FREM3: variants seen among roughly 807,000 people sequenced by gnomAD.
FREM3 encodes the protein FRAS1 related extracellular matrix 3, also known as FRAS1-related extracellular matrix protein 3.
In FREM3, 105 loss-of-function variants were observed where a neutral mutation model predicts 129.1. The ratio of observed to expected loss-of-function variants is 0.81; its 90% CI spans 0.69 to 0.96. The LOEUF (loss-of-function observed/expected upper bound fraction) is 0.96, where lower values mean the gene tolerates loss of function less well. FREM3 is among the 40% of genes least tolerant of loss of function. FREM3 has a pLI of 0.00. For missense variants in FREM3, 2,593 were observed against 2,666.3 expected (o/e 0.97, Z 0.61); for synonymous variants, 1,014 against 1,044.9 (o/e 0.97, Z 0.57).
chr4:143,598,260 C>A (rs73852624), intron 6 of FREM3, among the ~76,000 whole-genome samples: 2,901 of 152,270 alleles, frequency 0.019, 90 homozygotes, highest in African/African-American at 0.065. Flanking sequence ...TGGGCAGGCC[C>A]CAGTAAAAAT....
chr4:143,649,408 AG>A (rs1429288944), intron 2 of FREM3: 2 of 152,206 alleles, frequency 1.3e-5, no homozygotes, highest in Non-Finnish European at 2.9e-5. Flanking sequence ...ATCCCATTAC[AG>A]ACTGCATAGA....
chr4:143,686,634 A>G (rs1214360315), intron 2 of FREM3, among the ~76,000 whole-genome samples: 1 of 152,216 alleles, frequency 6.6e-6, no homozygotes, highest in Non-Finnish European at 1.5e-5. Flanking sequence ...ACTCTTTCAG[A>G]CCATAGTAGA....
At chr4:143,583,368 C>T (rs574599133) in intron 7 of FREM3, among the ~76,000 whole-genome samples, 56 of 152,270 alleles carry the variant, frequency 3.7e-4, no homozygotes, top group African/African-American at 1.3e-3. Context: ...AGAAACCAAA[C>T]AACTTGGAAA....
At chr4:143,674,120 C>A (rs1047630419) in intron 2 of FREM3, among the ~76,000 whole-genome samples, 2 of 152,156 alleles carry the variant, frequency 1.3e-5, no homozygotes, top group African/African-American at 4.8e-5. Flanking sequence ...GTCCAACAAG[C>A]CCCAGTGAGA....
At chr4:143,646,159 T>C (rs933385238) in intron 2 of FREM3, among the ~76,000 whole-genome samples, 4 of 152,182 alleles carry the variant, frequency 2.6e-5, no homozygotes, top group Admixed American at 6.5e-5. Context: ...CCTCTGTTTA[T>C]AAAAGTTGCC....
chr4:143,627,222 A>G lies in FREM3; in HGVS notation c.5422+392T>C, dbSNP rs546106924. Among the ~76,000 whole-genome samples, 14 of 152,350 alleles carry G rather than the reference A, an allele frequency of 9.2e-5. No individual in the cohort carries two copies. The South Asian group carries it at 2.9e-3, about 32-fold the overall frequency. On this transcript the variant is annotated intron_variant, in intron 3 of 7. Transcript: ENST00000329798. Reference sequence around the variant, plus strand: ...AAAAGAAATATATAGAACTAAACACAGTAATGGATCATGTACTCATAAATA... The same window carrying G: ...AAAAGAAATATATAGAACTAAACACGGTAATGGATCATGTACTCATAAATA...
Position 143,621,164 on chromosome 4 carries a change from T to C in FREM3, c.5654-2A>G, listed in dbSNP as rs1738942847. ...CCTCTGGAATATAAACTGTTGATTC[T>C]AGAAAAGATGGCAGAAGACTTTTCA... On this transcript the variant is annotated splice_acceptor_variant, in intron 4 of 7. Transcript: ENST00000329798. LOFTEE classifies it high-confidence loss of function. The C allele has an allele frequency of 6.5e-7, 1 of 1,536,984 alleles. No homozygotes were observed.
In FREM3 at chr4:143,700,613, G is replaced by T; in HGVS notation, c.63C>A (p.Cys21Ter). Reference protein sequence around the residue: ...TPRQLLVALACLLLSRPALQG... With the variant: ...TPRQLLVALA ...GCAGCGCGGGGCGACTCAAGAGCAG[G>T]CAGGCGAGCGCCACAAGGAGCTGCC... The change falls in exon 1 of 8, where the codon TGC (cysteine) becomes TGA (stop). Residue 21 changes from cysteine (C) to a stop codon, truncating the protein, a stop_gained. Transcript: ENST00000329798. LOFTEE classifies it high-confidence loss of function. 2 of 1,454,546 alleles carry T rather than the reference G, an allele frequency of 1.4e-6. No individual in the cohort carries two copies. Among genetic ancestry groups the T allele is most frequent in the South Asian group, 2.8e-5 (2 of 71,540 alleles). 90.1% of individuals were successfully genotyped at this position (1,454,546 alleles called of 1,614,324 possible).
At chr4:143,659,618 A>G (rs1739667511) in intron 2 of FREM3, among the ~76,000 whole-genome samples, 1 of 137,450 alleles carries the variant, frequency 7.3e-6, no homozygotes, top group South Asian at 2.3e-4. Context: ...GGCTGGGTCA[A>G]ATGGTATTTC....
chr4:143,668,938 A>T (rs1739915848), intron 2 of FREM3, among the ~76,000 whole-genome samples: 1 of 152,188 alleles, frequency 6.6e-6, no homozygotes, highest in Admixed American at 6.5e-5. Flanking sequence ...CTCAATTAGA[A>T]AGCAATCTGT....
chr4:143,697,321 C>T lies in FREM3; in HGVS notation c.3355G>A (p.Glu1119Lys), dbSNP rs1467561521. Residue 1119 changes from glutamate to lysine, a missense_variant, in exon 1 of 8, where the codon GAA becomes AAA. Transcript: ENST00000329798. ...VTSQPASGYL[E>K]KIASAPGSKM... ...GAACCAGGAGCTGATGCAATCTTTT[C>T]CAGGTAGCCAGAGGCTGGCTGACTA... 7 of 1,537,138 alleles carry T rather than the reference C, an allele frequency of 4.6e-6. No homozygotes were observed. The highest frequency in any genetic ancestry group is 4.4e-6 in the Non-Finnish European group (5 of 1,146,820).
At chr4:143,639,248 T>C (rs1195225359) in intron 2 of FREM3, among the ~76,000 whole-genome samples, 1 of 152,164 alleles carries the variant, frequency 6.6e-6, no homozygotes, top group Non-Finnish European at 1.5e-5. Context: ...GAGGAAATTG[T>C]TATTTTCTTC....
intron 2 of FREM3, among the ~76,000 whole-genome samples, chr4:143,664,782 C>T (rs1209884796): frequency 6.6e-6 from 1 of 152,192 alleles, no homozygotes; most frequent in Non-Finnish European, 1.5e-5. Context: ...CTAAGCAAGC[C>T]TTGGCAATGG....
At chr4:143,639,907 C>G (rs1332877829) in intron 2 of FREM3, among the ~76,000 whole-genome samples, 1 of 151,932 alleles carries the variant, frequency 6.6e-6, no homozygotes, top group African/African-American at 2.4e-5. Flanking sequence ...GGTCACAGTG[C>G]TAGTAAAAAA....
intron 2 of FREM3, among the ~76,000 whole-genome samples, chr4:143,662,507 A>G (rs2149852796): frequency 1.4e-5 from 2 of 144,676 alleles, no homozygotes; most frequent in South Asian, 2.3e-4. Flanking sequence ...TTTACTTCCA[A>G]CTATGTGGTC....
At chr4:143,687,552 A>G (rs2149861191) in intron 2 of FREM3, among the ~76,000 whole-genome samples, 1 of 152,320 alleles carries the variant, frequency 6.6e-6, no homozygotes, top group East Asian at 1.9e-4. Context: ...AGGAAAGGAT[A>G]TAACCAAAAA....
chr4:143,665,948 C>A (rs1329409685), intron 2 of FREM3, among the ~76,000 whole-genome samples: 1 of 152,050 alleles, frequency 6.6e-6, no homozygotes, highest in African/African-American at 2.4e-5. Context: ...ACTATCAATC[C>A]AGCACATTTT....
chr4:143,665,463 ATTTG>A (rs1739842949), intron 2 of FREM3, among the ~76,000 whole-genome samples: 1 of 152,110 alleles, frequency 6.6e-6, no homozygotes, highest in African/African-American at 2.4e-5. Context: ...CTTAATAAGT[ATTTG>A]TTAATTATAA....
chr4:143,615,524 C>G (rs570737102), intron 5 of FREM3, among the ~76,000 whole-genome samples: 1 of 152,162 alleles, frequency 6.6e-6, no homozygotes, highest in Admixed American at 6.5e-5. Flanking sequence ...GTAGCAAAGG[C>G]TCGGCTGGAG....
Sources: gnomAD v4.1 joint callset for allele counts (sites outside exome capture counted in the v4.1 genomes callset) on GRCh38, gnomAD v4.1.1 for gene constraint, MANE v1.5 for transcripts, NCBI Gene and HGNC (gene_info 2026-07-23, HGNC 2026-07-21) for gene names.